Variants in NDUFA8 observed in about 807,000 individuals in gnomAD.
The protein encoded by NDUFA8 is NADH:ubiquinone oxidoreductase subunit A8.
A neutral mutation model predicts 20.9 loss-of-function variants in NDUFA8; 16 were observed. The observed-to-expected ratio is 0.77, with a 90% CI of 0.52 to 1.16. NDUFA8 has a LOEUF of 1.16. Ranked by LOEUF, NDUFA8 falls within the 50% of genes most tolerant of loss-of-function variation. NDUFA8 has a pLI of 0.00. For synonymous variants in NDUFA8, 70 were observed against 76.1 expected (o/e 0.92, Z 0.41); for missense variants, 202 against 216.4 (o/e 0.93, Z 0.42).
intron 1 of NDUFA8, among the ~76,000 whole-genome samples, chr9:122,153,405 AT>A (rs1377391150): frequency 6.6e-6 from 1 of 152,172 alleles, no homozygotes; most frequent in Non-Finnish European, 1.5e-5. Context: ...CCATCTAGTA[AT>A]AGTCCATCTA....
At chr9:122,141,389 A>G (rs180888893), downstream of NDUFA8, among the ~76,000 whole-genome samples, 1 of 152,334 alleles carries the variant, frequency 6.6e-6, no homozygotes, top group East Asian at 1.9e-4. Context: ...GGCAAGGGGA[A>G]CAAAAACAGC....
At chr9:122,147,067 T>A (rs1278914764) in intron 3 of NDUFA8, among the ~76,000 whole-genome samples, 4 of 152,144 alleles carry the variant, frequency 2.6e-5, no homozygotes, top group Non-Finnish European at 5.9e-5. Flanking sequence ...CACAGTGACA[T>A]AAGATTTGTT....
chr9:122,147,878 G>A (rs1011663662), intron 3 of NDUFA8, among the ~76,000 whole-genome samples: 5 of 152,110 alleles, frequency 3.3e-5, no homozygotes, highest in Non-Finnish European at 2.9e-5. Flanking sequence ...TGCCCACCTC[G>A]GCCTCCCAAA....
Position 122,144,389 on chromosome 9 carries a change from T to C in NDUFA8, c.382-11A>G. The C allele has an allele frequency of 3.1e-6, 5 of 1,613,884 alleles. No homozygotes were observed. Among genetic ancestry groups the C allele is most frequent in the Non-Finnish European group, 3.4e-6 (4 of 1,179,802 alleles). On this transcript the variant is annotated splice_polypyrimidine_tract_variant and intron_variant, in intron 3 of 3. Transcript: ENST00000373768. Reference sequence around the variant, plus strand: ...TTTCACTTTGGTGACCTGGGAAGGGTGAAGAGGGCAAAAGCAAAGTTGAAA... The same window carrying C: ...TTTCACTTTGGTGACCTGGGAAGGGCGAAGAGGGCAAAAGCAAAGTTGAAA...
intron 1 of NDUFA8, among the ~76,000 whole-genome samples, chr9:122,154,547 T>C (rs1280004587): frequency 3.3e-5 from 5 of 152,210 alleles, no homozygotes; most frequent in Non-Finnish European, 5.9e-5. Context: ...TCTCCAGCCA[T>C]CTTACTGAAC....
At position 122,144,065 on chromosome 9, in the gene NDUFA8, TAA is replaced by T; in HGVS notation, c.*174_*175del. On this transcript the variant is annotated 3_prime_UTR_variant, in exon 4 of 4. Coordinates refer to ENST00000373768, the MANE Select transcript of NDUFA8 (RefSeq NM_014222.3). ...CATAATAAAATACAACCGTTTCCTTTAAAAATTTTAATGGACAGGAAATGGTA... is the reference window on the plus strand; with the variant it reads ...CATAATAAAATACAACCGTTTCCTTTAAATTTTAATGGACAGGAAATGGTA... The T allele has an allele frequency of 6.8e-7, 1 of 1,462,806 alleles. No homozygotes were observed. The highest frequency in any genetic ancestry group is 1.4e-5 in the South Asian group (1 of 70,334). 90.6% of individuals were successfully genotyped at this position (1,462,806 alleles called of 1,614,324 possible).
chr9:122,157,319 T>C (rs559057626), intron 1 of NDUFA8, among the ~76,000 whole-genome samples: 1 of 152,356 alleles, frequency 6.6e-6, no homozygotes, highest in Admixed American at 6.5e-5. Flanking sequence ...CTTTATAGTT[T>C]CAGAGAATTT....
At chr9:122,141,676 A>G (rs1045568513), downstream of NDUFA8, among the ~76,000 whole-genome samples, 28 of 152,212 alleles carry the variant, frequency 1.8e-4, no homozygotes, top group African/African-American at 6.8e-4. Flanking sequence ...AAGATTTTCT[A>G]TTATTTGAAG....
At chr9:122,147,092 CTCT>C (rs1431366327) in intron 3 of NDUFA8, among the ~76,000 whole-genome samples, 2 of 152,238 alleles carry the variant, frequency 1.3e-5, no homozygotes, top group Non-Finnish European at 2.9e-5. Context: ...ACACAGATCA[CTCT>C]TCTTGTGGAG....
At chr9:122,146,514 T>A (rs958796692) in intron 3 of NDUFA8, among the ~76,000 whole-genome samples, 9 of 152,186 alleles carry the variant, frequency 5.9e-5, no homozygotes, top group Admixed American at 4.6e-4. Flanking sequence ...TATCTGAAAA[T>A]AATCAAGCCA....
chr9:122,135,130 C>T, the NDUFA8 span, among the ~76,000 whole-genome samples: 1 of 152,206 alleles, frequency 6.6e-6, no homozygotes, highest in South Asian at 2.1e-4. Flanking sequence ...TTGTGTTCTG[C>T]CAGCCCCTCC....
At chr9:122,140,186 A>G (rs1218302870), downstream of NDUFA8, among the ~76,000 whole-genome samples, 2 of 151,950 alleles carry the variant, frequency 1.3e-5, no homozygotes, top group African/African-American at 4.8e-5. Context: ...TTACTTAGCT[A>G]CTCCCTAGTC....
chr9:122,141,446 G>A (rs552525863), downstream of NDUFA8, among the ~76,000 whole-genome samples: 2 of 152,302 alleles, frequency 1.3e-5, no homozygotes, highest in African/African-American at 4.8e-5. Flanking sequence ...AAATGAGAGC[G>A]ATTACAGAAG....
At position 122,148,217 on chromosome 9, in the gene NDUFA8, A is replaced by G; in HGVS notation, c.276T>C (p.Thr92=). ...FTEYWTCIDY[T]GQQLFRHCRK... ...GACAGTGACGAAATAACTGCTGGCCAGTATAATCAATGCAAGTCCAATATT... is the reference window on the plus strand; with the variant it reads ...GACAGTGACGAAATAACTGCTGGCCGGTATAATCAATGCAAGTCCAATATT... Residue 92 remains threonine, a synonymous_variant, in exon 3 of 4, where the codon ACT becomes ACC. Coordinates refer to ENST00000373768, the MANE Select transcript of NDUFA8 (RefSeq NM_014222.3). 6.2e-7 allele frequency: 1 copy of G among 1,614,230 alleles called. No homozygotes were observed. Among genetic ancestry groups the G allele is most frequent in the Non-Finnish European group, 8.5e-7 (1 of 1,180,044 alleles).
At chr9:122,145,137 T>C (rs1828888451) in intron 3 of NDUFA8, among the ~76,000 whole-genome samples, 1 of 152,152 alleles carries the variant, frequency 6.6e-6, no homozygotes, top group South Asian at 2.1e-4. Flanking sequence ...GGCCAGATGA[T>C]AAAGGGTATT....
downstream of NDUFA8, among the ~76,000 whole-genome samples, chr9:122,141,185 T>C (rs1055556071): frequency 5.3e-5 from 8 of 151,960 alleles, no homozygotes; most frequent in Non-Finnish European, 1.2e-4. Flanking sequence ...AGTAAGATAA[T>C]GATGGGGAAA....
chr9:122,159,200 C>T (rs1829134048), intron 1 of NDUFA8, among the ~76,000 whole-genome samples: 1 of 152,178 alleles, frequency 6.6e-6, no homozygotes, highest in Non-Finnish European at 1.5e-5. Flanking sequence ...CGTCACCCCA[C>T]TCTATGCACT....
At chr9:122,150,366 G>A (rs1483854735) in intron 2 of NDUFA8, among the ~76,000 whole-genome samples, 3 of 135,140 alleles carry the variant, frequency 2.2e-5, no homozygotes, top group Admixed American at 1.6e-4. Flanking sequence ...AGCCAAGATC[G>A]TGCTACTGCA....
At chr9:122,148,334 A>G in intron 2 of NDUFA8, 57 bp from the exon 3 acceptor site, 1 of 1,594,656 alleles carries the variant, frequency 6.3e-7, no homozygotes, top group Non-Finnish European at 8.6e-7. Context: ...AAAACAGAAA[A>G]GTGAGAAAAA....
Sources: gnomAD v4.1 joint callset for allele counts (sites outside exome capture counted in the v4.1 genomes callset) on GRCh38, gnomAD v4.1.1 for gene constraint, MANE v1.5 for transcripts, NCBI Gene and HGNC (gene_info 2026-07-23, HGNC 2026-07-21) for gene names.